TRAPPC8: variants seen among roughly 807,000 people sequenced by gnomAD.
The protein encoded by TRAPPC8 is general sporulation gene 1 homolog.
TRAPPC8 carries 54 observed loss-of-function variants against 174.3 expected under a neutral mutation model. The observed-to-expected ratio is 0.31, with a 90% confidence interval of 0.25 to 0.39. TRAPPC8 has a LOEUF of 0.39. Among genes scored for constraint, TRAPPC8 ranks in the 10% least tolerant of loss-of-function variants. The pLI is 1.00. For missense variants in TRAPPC8, 1,531 were observed against 1,699.1 expected (o/e 0.90, Z 1.74); for synonymous variants, 630 against 579.9 (o/e 1.09, Z -1.24).
rs748766981 is a variant in TRAPPC8, at chr18:31,874,727, A to G, written c.1729-23T>C. 6.3e-6 allele frequency: 10 copies of G among 1,598,922 alleles called. 1 individual carries two copies. The South Asian group carries it at 1.0e-4, about 16-fold the overall frequency. On this transcript the variant is annotated intron_variant, in intron 12 of 28. Transcript: ENST00000283351. ...TTTCTGTAAGAAAATAAACAAAATA[A>G]TGTATTATACTCCAAATTTGTTTGA...
chr18:31,909,559 C>G (rs1317625699), intron 6 of TRAPPC8, 108 bp downstream of exon 6: 1 of 1,452,758 alleles, frequency 6.9e-7, no homozygotes, highest in Non-Finnish European at 9.0e-7. Flanking sequence ...CAATATCTTT[C>G]TGTATTATGA....
chr18:31,859,787 G>T (rs993260733), intron 19 of TRAPPC8, among the ~76,000 whole-genome samples: 2 of 152,162 alleles, frequency 1.3e-5, no homozygotes, highest in Admixed American at 1.3e-4. Context: ...ACTTTGGGAG[G>T]TGGGCAGATC....
chr18:31,928,786 C>A (rs1218236352), intron 2 of TRAPPC8, among the ~76,000 whole-genome samples: 1 of 152,162 alleles, frequency 6.6e-6, no homozygotes, highest in Non-Finnish European at 1.5e-5. Flanking sequence ...CAATACAAAG[C>A]ACACAGCAGA....
chr18:31,941,912 T>C (rs2038361714), intron 1 of TRAPPC8, among the ~76,000 whole-genome samples: 1 of 152,220 alleles, frequency 6.6e-6, no homozygotes, highest in Admixed American at 6.5e-5. Context: ...AAGACATTCA[T>C]TAACAAGAGA....
At chr18:31,884,143 G>A (rs779021471) in intron 12 of TRAPPC8, among the ~76,000 whole-genome samples, 6 of 152,142 alleles carry the variant, frequency 3.9e-5, no homozygotes, top group Non-Finnish European at 5.9e-5. Context: ...GAGCCGAGAT[G>A]GAGCCACTTC....
At chr18:31,853,997 A>C (rs1209757599) in intron 21 of TRAPPC8, 52 bp from the exon 22 acceptor site, 1 of 1,391,190 alleles carries the variant, frequency 7.2e-7, no homozygotes, top group East Asian at 2.3e-5. Flanking sequence ...ACTAAATCAG[A>C]ATGTTCCGAT....
chr18:31,925,931 A>G (rs1404753001), intron 2 of TRAPPC8, among the ~76,000 whole-genome samples: 1 of 152,176 alleles, frequency 6.6e-6, no homozygotes, highest in African/African-American at 2.4e-5. Context: ...TTTATTTTCC[A>G]TGCACCCTTT....
rs2037062619 is a variant in TRAPPC8, at chr18:31,914,803, T to C, written c.618-1281A>G. ...GCAAGTAAAATTACTGCGTTTATCC[T>C]ATTTTTCAAGAATTTATTTTTAAAG... On this transcript the variant is annotated intron_variant, in intron 4 of 28. Transcript: ENST00000283351. 3.9e-5 allele frequency among the ~76,000 whole-genome samples: 6 copies of C among 152,236 alleles called. No individual in the cohort carries two copies. In the South Asian group the frequency reaches 1.2e-3, roughly 31 times the overall value.
chr18:31,933,020 A>AGAAAAAAAAAAAAAAAG lies in TRAPPC8; in HGVS notation c.158-1498_158-1497insCTTTTTTTTTTTTTTTC, dbSNP rs2037918570. On this transcript the variant is annotated intron_variant, in intron 1 of 28. Coordinates refer to ENST00000283351, the MANE Select transcript of TRAPPC8 (RefSeq NM_014939.5). ...CTCAAAAAAAAAAAAAAAAAAAAAA[A>AGAAAAAAAAAAAAAAAG]GCCGGGCGCAGTGGCTCACACCTGT... Among the ~76,000 whole-genome samples the AGAAAAAAAAAAAAAAAG allele has an allele frequency of 6.2e-5, 8 of 128,954 alleles. 1 individual carries two copies. The highest frequency in any genetic ancestry group is 2.4e-4 in the African/African-American group (8 of 32,722). The allele number at this position is 128,954 out of a possible 152,430, so 84.6% of individuals were successfully genotyped here.
At chr18:31,886,205 C>T (rs2035705122) in intron 12 of TRAPPC8, among the ~76,000 whole-genome samples, 1 of 151,684 alleles carries the variant, frequency 6.6e-6, no homozygotes, top group Non-Finnish European at 1.5e-5. Context: ...GATGGGGTTT[C>T]TCCATGTTGG....
At chr18:31,898,946 T>C (rs2036294644) in intron 10 of TRAPPC8, among the ~76,000 whole-genome samples, 1 of 152,240 alleles carries the variant, frequency 6.6e-6, no homozygotes, top group Admixed American at 6.5e-5. Flanking sequence ...TTGAATTTAC[T>C]TTGGAAACCC....
intron 11 of TRAPPC8, among the ~76,000 whole-genome samples, chr18:31,892,923 A>G (rs561460353): frequency 2.4e-4 from 36 of 151,702 alleles, no homozygotes; most frequent in African/African-American, 8.5e-4. Flanking sequence ...AGGCTGAGGC[A>G]GGAGAATCAC....
rs2033431074 is a variant in TRAPPC8 at position 31,846,772 on chromosome 18, G to A, written c.3781C>T (p.His1261Tyr). Residue 1261 changes from histidine to tyrosine, a missense_variant, in exon 26 of 29, where the codon CAT (histidine) becomes TAT (tyrosine). Coordinates refer to ENST00000283351, the MANE Select transcript of TRAPPC8 (RefSeq NM_014939.5). Reference sequence around the variant, plus strand: ...CCTATAGTGCGAAGAATAACATGATGTTGACCTTCCAAAATAAGCTGTTTA... The same window carrying A: ...CCTATAGTGCGAAGAATAACATGATATTGACCTTCCAAAATAAGCTGTTTA... ...DSKQLILEGQ[H>Y]HVILRTIGKE... 3 of 1,612,990 alleles carry A rather than the reference G, an allele frequency of 1.9e-6. No individual in the cohort carries two copies. The highest frequency in any genetic ancestry group is 2.5e-6 in the Non-Finnish European group (3 of 1,179,250).
intron 27 of TRAPPC8, among the ~76,000 whole-genome samples, chr18:31,838,438 T>A (rs1358149410): frequency 6.6e-6 from 1 of 152,220 alleles, no homozygotes. Flanking sequence ...AGGATTTTGT[T>A]AGTTTCCCTG....
Position 31,857,293 on chromosome 18 carries a change from G to A in TRAPPC8, c.3188+247C>T, listed in dbSNP as rs556836076. On this transcript the variant is annotated intron_variant, in intron 20 of 28. Transcript: ENST00000283351. Reference sequence around the variant, plus strand: ...TAGCTCTGTCTACAGTACTTAAATCGTATCAAACAATTGAGAAGTTTACAG... The same window carrying A: ...TAGCTCTGTCTACAGTACTTAAATCATATCAAACAATTGAGAAGTTTACAG... Among the ~76,000 whole-genome samples, 9 of 152,118 alleles carry A rather than the reference G, an allele frequency of 5.9e-5. No homozygotes were observed. In the East Asian group the frequency reaches 9.7e-4, roughly 16 times the overall value.
At chr18:31,847,508 A>T (rs114624223) in intron 25 of TRAPPC8, among the ~76,000 whole-genome samples, 1 of 152,212 alleles carries the variant, frequency 6.6e-6, no homozygotes, top group Non-Finnish European at 1.5e-5. Context: ...AGGTTCAAAA[A>T]ACATAAAATT....
At position 31,829,775 on chromosome 18, in the gene TRAPPC8, T is replaced by G. The variant is rs903595956; in HGVS notation, c.*980A>C. ...CTGCCACCCACTCCTACACCCTGTC[T>G]TCCCTCCTTCTCCAATGACAAGAGA... On this transcript the variant is annotated 3_prime_UTR_variant, in exon 29 of 29. Transcript: ENST00000283351. 2.6e-5 allele frequency: 4 copies of G among 152,334 alleles called. No homozygotes were observed. Among genetic ancestry groups the G allele is most frequent in the African/African-American group, 9.7e-5 (4 of 41,446 alleles). 9.4% of individuals were successfully genotyped at this position (152,334 alleles called of 1,614,324 possible).
At chr18:31,912,287 T>C (rs1287352416) in intron 5 of TRAPPC8, among the ~76,000 whole-genome samples, 1 of 152,070 alleles carries the variant, frequency 6.6e-6, no homozygotes, top group East Asian at 1.9e-4. Context: ...GGTCAAGAGT[T>C]CGAGACCAGC....
In TRAPPC8 at chr18:31,830,838, C is replaced by A. The variant is rs140157915; in HGVS notation, c.4225G>T (p.Ala1409Ser). Residue 1409 changes from alanine (A) to serine (S), a missense_variant, in exon 29 of 29, where the codon GCC becomes TCC. Physicochemically the swap from Ala to Ser is moderately conservative, Grantham distance 99. Coordinates refer to ENST00000283351, the MANE Select transcript of TRAPPC8 (RefSeq NM_014939.5). ...ACTGTAACTTGGTCCGATAACTTGG[C>A]AAATACCCTAGGAGTTCCAAGGTTA... ...VYNLGTPRVF[A>S]KLSDQVTVFE... is the part of the protein sequence containing the mutation. The A allele has an allele frequency of 2.8e-4, 457 of 1,614,012 alleles. No homozygotes were observed. The highest frequency in any genetic ancestry group is 3.7e-4 in the Non-Finnish European group (432 of 1,180,032).
Sources: gnomAD v4.1 joint callset for allele counts (sites outside exome capture counted in the v4.1 genomes callset) on GRCh38, gnomAD v4.1.1 for gene constraint, MANE v1.5 for transcripts, NCBI Gene and HGNC (gene_info 2026-07-23, HGNC 2026-07-21) for gene names.